Variants in GMDS observed in about 807,000 individuals in gnomAD.
The protein encoded by GMDS is GDP-mannose 4,6 dehydratase.
Under a neutral mutation model 49.9 loss-of-function variants are expected in GMDS, and 20 were observed. The observed-to-expected ratio is 0.40, with a 90% confidence interval of 0.28 to 0.58. GMDS has a LOEUF of 0.58. Among genes scored for constraint, GMDS ranks in the 20% least tolerant of loss-of-function variants. The pLI, the probability that GMDS is intolerant of heterozygous loss-of-function variation, is 0.42. For missense variants in GMDS, 362 were observed against 481.4 expected, an observed-to-expected ratio of 0.75 and a Z score of 2.32; for synonymous variants, 177 against 178.6, an observed-to-expected ratio of 0.99 and a Z score of 0.07.
At chr6:1,791,865 T>A (rs1375404358) in intron 7 of GMDS, among the ~76,000 whole-genome samples, 1 of 152,154 alleles carries the variant, frequency 6.6e-6, no homozygotes, top group Non-Finnish European at 1.5e-5. Context: ...ATATAGAAAG[T>A]CAAATATTGA....
chr6:1,704,704 G>A (rs149935639), intron 9 of GMDS, among the ~76,000 whole-genome samples: 4,501 of 152,286 alleles, frequency 0.03, 78 homozygotes, highest in South Asian at 0.067. Flanking sequence ...CTGAACTTCC[G>A]TTGTTGTGGG....
At chr6:1,763,364 T>G (rs1481612755) in intron 7 of GMDS, among the ~76,000 whole-genome samples, 1 of 152,236 alleles carries the variant, frequency 6.6e-6, no homozygotes, top group African/African-American at 2.4e-5. Flanking sequence ...ACTTAGGTCT[T>G]CAAGGGAAGC....
At chr6:1,827,090 G>A (rs1029036930) in intron 7 of GMDS, among the ~76,000 whole-genome samples, 2 of 140,912 alleles carry the variant, frequency 1.4e-5, no homozygotes, top group African/African-American at 2.8e-5. Context: ...GTGTGTGTGT[G>A]TGTGTGTGTG....
intron 7 of GMDS, among the ~76,000 whole-genome samples, chr6:1,904,193 C>A (rs1177424174): frequency 6.6e-6 from 1 of 152,146 alleles, no homozygotes. Context: ...ATTTAAATAA[C>A]ACGAAATTGT....
chr6:1,774,225 A>G (rs1000296818), intron 7 of GMDS, among the ~76,000 whole-genome samples: 1 of 152,242 alleles, frequency 6.6e-6, no homozygotes, highest in African/African-American at 2.4e-5. Flanking sequence ...AATAAAGGAC[A>G]GTATATTATC....
intron 1 of GMDS, among the ~76,000 whole-genome samples, chr6:2,181,141 C>T (rs1400508221): frequency 2.1e-5 from 3 of 144,582 alleles, no homozygotes; most frequent in Non-Finnish European, 4.5e-5. Flanking sequence ...CACCACTGCA[C>T]TCCATCCTGG....
In GMDS at chr6:1,635,873, C is replaced by A. The variant is rs1225296259; in HGVS notation, c.988-11333G>T. On this transcript the variant is annotated intron_variant, in intron 9 of 10. Transcript: ENST00000380815. The surrounding 1 kb of genome is among the most constrained non-coding windows in gnomAD (Gnocchi z 4.7). ...CCCAGCCTCGGCACCTCCAGCACTG[C>A]GTCTGGGAGCTGCTCTTCTCTGCTC... Among the ~76,000 whole-genome samples the A allele has an allele frequency of 6.6e-6, 1 of 152,230 alleles. No individual in the cohort carries two copies. Among genetic ancestry groups the A allele is most frequent in the East Asian group, 1.9e-4 (1 of 5,204 alleles).
At chr6:2,215,616 AAG>A (rs1474783978) in intron 1 of GMDS, among the ~76,000 whole-genome samples, 9 of 152,134 alleles carry the variant, frequency 5.9e-5, no homozygotes, top group Middle Eastern at 3.4e-3. Flanking sequence ...AGGAGGGAGA[AAG>A]AGACAGTAGA....
intron 9 of GMDS, among the ~76,000 whole-genome samples, chr6:1,675,766 T>A (rs1172597998): frequency 6.6e-6 from 1 of 150,866 alleles, no homozygotes; most frequent in Non-Finnish European, 1.5e-5. Flanking sequence ...GGCAGGAGAA[T>A]GGCGTGAACT....
chr6:2,117,389 T>C (rs1344594248), intron 3 of GMDS, 80 bp downstream of exon 3: 4 of 852,744 alleles, frequency 4.7e-6, no homozygotes, highest in Non-Finnish European at 6.0e-6. Flanking sequence ...AAAAATGACA[T>C]TTGAAAACAC....
intron 1 of GMDS, among the ~76,000 whole-genome samples, chr6:2,240,926 T>C (rs1781587878): frequency 6.6e-6 from 1 of 152,156 alleles, no homozygotes; most frequent in Non-Finnish European, 1.5e-5. Flanking sequence ...CATGTGATAG[T>C]GAAAGAAAAC....
Position 2,245,486 on chromosome 6 carries a change from G to T in GMDS, c.-64C>A. On this transcript the variant is annotated 5_prime_UTR_variant, in exon 1 of 11. Coordinates refer to ENST00000380815, the MANE Select transcript of GMDS (RefSeq NM_001500.4). ...GCGGCAGAGGGCAGGCGCGGTGCCG[G>T]CAGGAACGCGGGGGTGTGCAGCACG... 1.1e-6 allele frequency: 1 copy of T among 917,854 alleles called. No homozygotes were observed. The highest frequency in any genetic ancestry group is 1.5e-6 in the Non-Finnish European group (1 of 671,324). 56.9% of individuals were successfully genotyped at this position (917,854 alleles called of 1,614,324 possible). A position where few individuals can be genotyped will look rare whatever the true frequency, so the allele number is the denominator to read the frequency against.
At chr6:2,164,886 A>G (rs1459511434) in intron 1 of GMDS, among the ~76,000 whole-genome samples, 4 of 152,368 alleles carry the variant, frequency 2.6e-5, no homozygotes, top group Admixed American at 6.5e-5. Context: ...TTGTCCAGTG[A>G]CAACCAGCCA....
intron 4 of GMDS, among the ~76,000 whole-genome samples, chr6:2,002,298 A>C (rs1312202123): frequency 2.0e-5 from 3 of 152,230 alleles, no homozygotes; most frequent in African/African-American, 7.2e-5. Flanking sequence ...ATCCTATTGG[A>C]AGGAAATAAT....
intron 4 of GMDS, among the ~76,000 whole-genome samples, chr6:2,061,650 C>T (rs561397491): frequency 1.5e-5 from 2 of 135,894 alleles, no homozygotes; most frequent in East Asian, 2.3e-4. Context: ...ACCTCGGAGA[C>T]GGAGGTTGCA....
At chr6:1,741,295 T>C (rs141758441) in intron 8 of GMDS, among the ~76,000 whole-genome samples, 44 of 152,336 alleles carry the variant, frequency 2.9e-4, no homozygotes, top group Non-Finnish European at 6.0e-4. Context: ...TCCTATCTTA[T>C]TGTTACTTTG....
At chr6:2,019,979 CAA>C (rs1259184005) in intron 4 of GMDS, among the ~76,000 whole-genome samples, 6 of 152,114 alleles carry the variant, frequency 3.9e-5, no homozygotes, top group Non-Finnish European at 7.4e-5. Context: ...TTGCTTGATT[CAA>C]TCTGTTAATA....
intron 2 of GMDS, among the ~76,000 whole-genome samples, chr6:2,122,493 C>A (rs1349666597): frequency 2.0e-5 from 3 of 152,148 alleles, no homozygotes; most frequent in Non-Finnish European, 4.4e-5. Context: ...TAATCCTATT[C>A]TTTTACTCAT....
chr6:1,655,461 T>G (rs576221859), intron 9 of GMDS, among the ~76,000 whole-genome samples: 47 of 151,436 alleles, frequency 3.1e-4, no homozygotes, highest in African/African-American at 1.0e-3. Flanking sequence ...TTTTTTTCCT[T>G]ACGTTTGAAA....
Sources: gnomAD v4.1 joint callset for allele counts (sites outside exome capture counted in the v4.1 genomes callset) on GRCh38, gnomAD v4.1.1 for gene constraint, Gnocchi (gnomAD v3.1) non-coding constraint, MANE v1.5 for transcripts, NCBI Gene and HGNC (gene_info 2026-07-23, HGNC 2026-07-21) for gene names.